RAB27B: variants seen among roughly 807,000 people sequenced by gnomAD.
The protein encoded by RAB27B is RAB27B, member RAS oncogene family, also known as ras-related protein Rab-27B.
In RAB27B, 15 loss-of-function variants were observed where a neutral mutation model predicts 24.6. The ratio of observed to expected loss-of-function variants is 0.61; its 90% CI spans 0.41 to 0.94. The LOEUF is 0.94. Ranked by LOEUF, RAB27B falls within the 40% of genes least tolerant of loss-of-function variation. The pLI is 0.00. For missense variants in RAB27B, 261 were observed against 266.8 expected (o/e 0.98, Z 0.15); for synonymous variants, 105 against 92.5 (o/e 1.14, Z -0.78).
chr18:54,876,338 G>A (rs904838150), intron 1 of RAB27B, among the ~76,000 whole-genome samples: 2 of 151,972 alleles, frequency 1.3e-5, no homozygotes, highest in African/African-American at 4.8e-5. Context: ...ACCATATCAT[G>A]TCCATAGAAT....
rs1913335449 is a variant in RAB27B at position 54,890,769 on chromosome 18, C to T, written c.*1356C>T. The T allele has an allele frequency of 6.6e-6, 1 of 151,956 alleles. No homozygotes were observed. Among genetic ancestry groups the T allele is most frequent in the Non-Finnish European group, 1.5e-5 (1 of 67,966 alleles). The allele number at this position is 151,956 out of a possible 1,614,324, so 9.4% of individuals were successfully genotyped here. A position where few individuals can be genotyped will look rare whatever the true frequency, so the allele number is the denominator to read the frequency against. On this transcript the variant is annotated 3_prime_UTR_variant, in exon 6 of 6. Transcript: ENST00000262094. ...GGTGAGGAAGGACTTCTGATCTTAT[C>T]TCAACAAAAAACTGGCCAGTATTTT...
intron 1 of RAB27B, among the ~76,000 whole-genome samples, chr18:54,861,423 T>A (rs1428485425): frequency 2.6e-5 from 4 of 152,190 alleles, no homozygotes; most frequent in African/African-American, 4.8e-5. Flanking sequence ...TCACTGAGGG[T>A]GGCATATCAT....
At chr18:54,840,787 AC>A (rs1911077666) in intron 1 of RAB27B, among the ~76,000 whole-genome samples, 1 of 152,102 alleles carries the variant, frequency 6.6e-6, no homozygotes, top group Non-Finnish European at 1.5e-5. Flanking sequence ...AATACTGTCA[AC>A]AACACTTGAC....
chr18:54,805,609 A>G (rs1252917396), intron 2 of RAB27B, among the ~76,000 whole-genome samples: 1 of 152,178 alleles, frequency 6.6e-6, no homozygotes, highest in Non-Finnish European at 1.5e-5. Context: ...ACGATCCAGT[A>G]GTGTTGATGT....
chr18:54,884,408 G>T lies in RAB27B; in HGVS notation c.315G>T (p.Gln105His), dbSNP rs761837069. ...FLLMFDLTSQ[Q>H]SFLNVRNWMS... ...TAATGTTTGACCTCACCAGTCAACAGAGCTTCTTAAATGTCAGAAACTGGA... is the reference window on the plus strand; with the variant it reads ...TAATGTTTGACCTCACCAGTCAACATAGCTTCTTAAATGTCAGAAACTGGA... The change falls in exon 4 of 6, where the codon CAG becomes CAT. Residue 105 changes from glutamine (Q) to histidine (H), a missense_variant. Physicochemically the swap from Gln to His is conservative, Grantham distance 24. Transcript: ENST00000262094. 12 of 1,611,890 alleles carry T rather than the reference G, an allele frequency of 7.4e-6. No homozygotes were observed. In the South Asian group the frequency reaches 1.3e-4, roughly 18 times the overall value.
chr18:54,880,851 A>G (rs951637786), intron 3 of RAB27B: 3 of 152,132 alleles, frequency 2.0e-5, no homozygotes, highest in Non-Finnish European at 4.4e-5. Context: ...CAGGCTTCAG[A>G]ACACTTGGGT....
At chr18:54,862,766 C>A (rs923793397) in intron 1 of RAB27B, among the ~76,000 whole-genome samples, 1 of 152,150 alleles carries the variant, frequency 6.6e-6, no homozygotes, top group Non-Finnish European at 1.5e-5. Flanking sequence ...GATTGCTTGG[C>A]GGTGCCTGGA....
At chr18:54,789,996 A>T (rs1038435830) in intron 2 of RAB27B, among the ~76,000 whole-genome samples, 7 of 152,094 alleles carry the variant, frequency 4.6e-5, no homozygotes, top group African/African-American at 1.4e-4. Flanking sequence ...ATTCATTCAA[A>T]ATGCTGGGTT....
chr18:54,823,586 C>A (rs547485738), upstream of RAB27B, among the ~76,000 whole-genome samples: 6 of 152,238 alleles, frequency 3.9e-5, no homozygotes, highest in South Asian at 1.2e-3. Flanking sequence ...CTTTATTTTT[C>A]CTTCATGTTC....
At position 54,780,563 on chromosome 18, in the gene RAB27B, T is replaced by C. The variant is rs142622619; in HGVS notation, c.-20+62422T>C. On this transcript the variant is annotated intron_variant, in intron 2 of 4. Transcript: ENST00000586570. ...GTGTCCTCGCGTGGCCTTTTCTCTCTGCACTTAAATGTCTGTTTCCTAAAC... is the reference window on the plus strand; with the variant it reads ...GTGTCCTCGCGTGGCCTTTTCTCTCCGCACTTAAATGTCTGTTTCCTAAAC... Among the ~76,000 whole-genome samples, 463 of 152,302 alleles carry C rather than the reference T, an allele frequency of 3.0e-3. 6 individuals carry two copies. Among genetic ancestry groups the C allele is most frequent in the South Asian group, 0.028 (136 of 4,824 alleles).
chr18:54,881,703 G>A (rs1189388225), intron 3 of RAB27B, among the ~76,000 whole-genome samples: 1 of 152,120 alleles, frequency 6.6e-6, no homozygotes, highest in Non-Finnish European at 1.5e-5. Flanking sequence ...GGCTGGAAAT[G>A]AATTACTTGT....
At chr18:54,886,742 C>T (rs909298500) in intron 4 of RAB27B, among the ~76,000 whole-genome samples, 1 of 151,860 alleles carries the variant, frequency 6.6e-6, no homozygotes, top group African/African-American at 2.4e-5. Context: ...TTAAACGTCT[C>T]CAGAAGGATA....
At position 54,889,389 on chromosome 18, in the gene RAB27B, A is replaced by G; in HGVS notation, c.633A>G (p.Pro211=). 1 of 1,612,796 alleles carries G rather than the reference A, an allele frequency of 6.2e-7. No individual in the cohort carries two copies. The highest frequency in any genetic ancestry group is 8.5e-7 in the Non-Finnish European group (1 of 1,179,218). The change falls in exon 6 of 6, where the codon CCA becomes CCG. Residue 211 remains proline (P), a synonymous_variant. Coordinates refer to ENST00000262094, the MANE Select transcript of RAB27B (RefSeq NM_004163.4). ...GNSGNLDGEK[P]PEKKCIC is the part of the protein sequence containing the mutation. ...CTGGAAACTTGGATGGGGAAAAGCC[A>G]CCAGAGAAGAAATGTATCTGCTAGA...
At position 54,893,584 on chromosome 18, in the gene RAB27B, G is replaced by T. The variant is rs1251735777; in HGVS notation, c.*4171G>T. The T allele has an allele frequency of 6.6e-6, 1 of 152,002 alleles. No homozygotes were observed. Among genetic ancestry groups the T allele is most frequent in the African/African-American group, 2.4e-5 (1 of 41,424 alleles). 9.4% of individuals were successfully genotyped at this position (152,002 alleles called of 1,614,324 possible). A position where few individuals can be genotyped will look rare whatever the true frequency, so the allele number is the denominator to read the frequency against. Reference sequence around the variant, plus strand: ...TCAGCTTATTTCTGGGGAAGGTGTTGAGCTCTTATACATGAAAATGGATAT... The same window carrying T: ...TCAGCTTATTTCTGGGGAAGGTGTTTAGCTCTTATACATGAAAATGGATAT... On this transcript the variant is annotated 3_prime_UTR_variant, in exon 6 of 6. Coordinates refer to ENST00000262094, the MANE Select transcript of RAB27B (RefSeq NM_004163.4).
Position 54,868,776 on chromosome 18 carries a change from G to A in RAB27B, c.-19-8791G>A, listed in dbSNP as rs190583833. Reference sequence around the variant, plus strand: ...CAAGTAGCTGAGATTACAGACGTGTGCCACCACGCCTGGCAAATTTTTGCA... The same window carrying A: ...CAAGTAGCTGAGATTACAGACGTGTACCACCACGCCTGGCAAATTTTTGCA... On this transcript the variant is annotated intron_variant, in intron 1 of 5. Coordinates refer to ENST00000262094, the MANE Select transcript of RAB27B (RefSeq NM_004163.4). Among the ~76,000 whole-genome samples the A allele has an allele frequency of 6.2e-3, 951 of 152,212 alleles. 10 individuals are homozygous for A. The highest frequency in any genetic ancestry group is 0.022 in the African/African-American group (893 of 41,514).
chr18:54,840,513 A>G (rs1400213591), intron 1 of RAB27B, among the ~76,000 whole-genome samples: 2 of 152,238 alleles, frequency 1.3e-5, no homozygotes, highest in Admixed American at 6.5e-5. Flanking sequence ...TAACTTTATC[A>G]GTAAAATCTA....
chr18:54,738,473 T>A (rs1426380414), intron 2 of RAB27B, among the ~76,000 whole-genome samples: 1 of 152,164 alleles, frequency 6.6e-6, no homozygotes, highest in Non-Finnish European at 1.5e-5. Flanking sequence ...CCTCTCTTGC[T>A]GTCTCTCTCA....
chr18:54,874,332 A>T (rs1912604822), intron 1 of RAB27B, among the ~76,000 whole-genome samples: 1 of 152,206 alleles, frequency 6.6e-6, no homozygotes, highest in Non-Finnish European at 1.5e-5. Context: ...CACAACCAGG[A>T]TTTGACTCAT....
intron 3 of RAB27B, among the ~76,000 whole-genome samples, chr18:54,882,008 G>T (rs935989710): frequency 1.4e-4 from 22 of 152,024 alleles, no homozygotes; most frequent in African/African-American, 4.3e-4. Context: ...CAATTTTGTG[G>T]GTACAGCTAG....
Sources: gnomAD v4.1 joint callset for allele counts (sites outside exome capture counted in the v4.1 genomes callset) on GRCh38, gnomAD v4.1.1 for gene constraint, MANE v1.5 for transcripts, NCBI Gene and HGNC (gene_info 2026-07-23, HGNC 2026-07-21) for gene names.